Variants in NEDD9 observed in about 807,000 individuals in gnomAD.
The protein encoded by NEDD9 is enhancer of filamentation 1.
A neutral mutation model predicts 76.6 loss-of-function variants in NEDD9; 26 were observed. The observed-to-expected ratio is 0.34, with a 90% CI of 0.25 to 0.47. NEDD9 has a LOEUF of 0.47. NEDD9 is among the 20% of genes least tolerant of loss of function. The probability of loss-of-function intolerance (pLI) is 1.00; values close to 1 mark genes in which losing one functional copy is unlikely to be tolerated. For synonymous variants in NEDD9, 392 were observed against 414.2 expected, an observed-to-expected ratio of 0.95 and a Z score of 0.65; for missense variants, 937 against 1,058.5, an observed-to-expected ratio of 0.89 and a Z score of 1.59.
intron 2 of NEDD9, chr6:11,201,112 A>C: frequency 8.8e-6 from 14 of 1,591,854 alleles, no homozygotes; most frequent in Non-Finnish European, 1.1e-5. Flanking sequence ...TCAAGGTCTC[A>C]GCAAGTCTCC....
chr6:11,341,136 G>A (rs575295759), intron 1 of NEDD9, among the ~76,000 whole-genome samples: 32 of 152,304 alleles, frequency 2.1e-4, no homozygotes, highest in South Asian at 6.2e-4. Context: ...TGACTGTGAT[G>A]GAATGACTAG....
chr6:11,262,311 A>G (rs1760129972), intron 3 of NEDD9, among the ~76,000 whole-genome samples: 1 of 152,198 alleles, frequency 6.6e-6, no homozygotes, highest in African/African-American at 2.4e-5. Context: ...GGCAATGTGA[A>G]AATTTTGGCA....
At chr6:11,374,994 C>T (rs989060930) in intron 1 of NEDD9, among the ~76,000 whole-genome samples, 2 of 152,108 alleles carry the variant, frequency 1.3e-5, no homozygotes, top group Non-Finnish European at 2.9e-5. Context: ...CTTTGATGTC[C>T]CCTAGCTAAA....
chr6:11,345,724 T>C (rs576740267), intron 1 of NEDD9, among the ~76,000 whole-genome samples: 1 of 152,314 alleles, frequency 6.6e-6, no homozygotes, highest in East Asian at 1.9e-4. Flanking sequence ...TAGAGGACTT[T>C]TCTCTGAGTA....
chr6:11,290,044 G>A (rs957774235), intron 3 of NEDD9, among the ~76,000 whole-genome samples: 1 of 152,012 alleles, frequency 6.6e-6, no homozygotes, highest in African/African-American at 2.4e-5. Context: ...ACGGTTCCAC[G>A]GGGGCAAAGA....
chr6:11,192,919 C>T (rs1581945533), intron 3 of NEDD9, among the ~76,000 whole-genome samples: 1 of 60,672 alleles, frequency 1.6e-5, no homozygotes, highest in South Asian at 5.9e-4. Flanking sequence ...GGTGACAGAA[C>T]AAGACTCTGT....
chr6:11,316,010 C>T (rs1021256671), intron 2 of NEDD9, among the ~76,000 whole-genome samples: 2 of 152,160 alleles, frequency 1.3e-5, no homozygotes, highest in South Asian at 2.1e-4. Flanking sequence ...TTGCTGGGCA[C>T]GTGGCTCTGA....
chr6:11,290,428 C>T (rs1489272849), intron 3 of NEDD9, among the ~76,000 whole-genome samples: 1 of 152,136 alleles, frequency 6.6e-6, no homozygotes, highest in Non-Finnish European at 1.5e-5. Context: ...TTTCTATTTT[C>T]CTTGACTTTC....
chr6:11,308,441 C>T (rs1409848302), intron 2 of NEDD9, among the ~76,000 whole-genome samples: 1 of 143,338 alleles, frequency 7.0e-6, no homozygotes, highest in African/African-American at 2.6e-5. Context: ...GCAATCTCGG[C>T]TCACTGCAAG....
At chr6:11,238,794 T>G (rs1759656524) in intron 3 of NEDD9, among the ~76,000 whole-genome samples, 1 of 152,182 alleles carries the variant, frequency 6.6e-6, no homozygotes, top group African/African-American at 2.4e-5. Flanking sequence ...CAATTAGAAA[T>G]GCTTAGGCCT....
intron 6 of NEDD9, 136 bp from the exon 7 acceptor site, chr6:11,185,807 G>A (rs1757967040): frequency 9.7e-7 from 1 of 1,026,646 alleles, no homozygotes; most frequent in Non-Finnish European, 1.4e-6. Flanking sequence ...TAAAGCCTGG[G>A]TCAAGCTGCC....
At chr6:11,320,574 G>A (rs1582027278) in intron 2 of NEDD9, among the ~76,000 whole-genome samples, 1 of 152,328 alleles carries the variant, frequency 6.6e-6, no homozygotes. Context: ...CACATGTGCA[G>A]GAAGACATAG....
chr6:11,276,383 G>A (rs1053650681), intron 3 of NEDD9, among the ~76,000 whole-genome samples: 2 of 151,512 alleles, frequency 1.3e-5, no homozygotes, highest in African/African-American at 4.9e-5. Context: ...CTGTGCACGT[G>A]TGTGTGTGCG....
At chr6:11,357,589 T>C (rs1762600173) in intron 1 of NEDD9, among the ~76,000 whole-genome samples, 1 of 152,214 alleles carries the variant, frequency 6.6e-6, no homozygotes, top group Non-Finnish European at 1.5e-5. Flanking sequence ...TGTAACTACT[T>C]GGAATCAGAA....
chr6:11,295,888 C>A (rs1323480462), intron 3 of NEDD9, among the ~76,000 whole-genome samples: 1 of 152,110 alleles, frequency 6.6e-6, no homozygotes, highest in Non-Finnish European at 1.5e-5. Flanking sequence ...CACATTACAC[C>A]CACGTTAGGT....
chr6:11,362,680 T>C (rs769068336), intron 1 of NEDD9, among the ~76,000 whole-genome samples: 64 of 152,354 alleles, frequency 4.2e-4, no homozygotes, highest in Middle Eastern at 3.4e-3. Flanking sequence ...ACTATAGTCA[T>C]CCAGGAAATA....
chr6:11,246,680 C>A (rs1006175085), intron 3 of NEDD9, among the ~76,000 whole-genome samples: 4 of 152,194 alleles, frequency 2.6e-5, no homozygotes, highest in African/African-American at 9.6e-5. Context: ...TCACTTCCCA[C>A]CCACAGAAAA....
rs78824893 is a variant in NEDD9 at position 11,195,344 on chromosome 6, C to T, written c.460-1652G>A. ...TTGAGGTCTGTTGGCATGGAGCATA[C>T]GGAACCACTTTATAGAATGGCCACT... On this transcript the variant is annotated intron_variant, in intron 2 of 6. Transcript: ENST00000379446. 4.1e-4 allele frequency among the ~76,000 whole-genome samples: 63 copies of T among 152,308 alleles called. 1 individual carries two copies. The East Asian group carries it at 0.01, about 25-fold the overall frequency.
intron 3 of NEDD9, among the ~76,000 whole-genome samples, chr6:11,251,938 G>A (rs1466810724): frequency 1.3e-5 from 2 of 152,160 alleles, no homozygotes; most frequent in Non-Finnish European, 2.9e-5. Flanking sequence ...ATGTATGTGT[G>A]TGTGGGGGGG....
Sources: allele counts gnomAD v4.1 joint callset (sites outside exome capture counted in the v4.1 genomes callset), GRCh38; gene constraint gnomAD v4.1.1; transcripts MANE v1.5; gene names NCBI Gene and HGNC (gene_info 2026-07-23, HGNC 2026-07-21).